KLF8: variants seen among roughly 807,000 people sequenced by gnomAD.
KLF8 encodes Krueppel-like factor 8.
A neutral mutation model predicts 18.2 loss-of-function variants in KLF8; 10 were observed. The observed-to-expected ratio is 0.55, with a 90% CI of 0.34 to 0.93. KLF8 has a LOEUF of 0.93. Ranked by LOEUF, KLF8 falls within the 40% of genes least tolerant of loss-of-function variation. KLF8 has a pLI of 0.02. For synonymous variants in KLF8, 109 were observed against 97.3 expected, an observed-to-expected ratio of 1.12 and a Z score of -0.71; for missense variants, 264 against 277.9, an observed-to-expected ratio of 0.95 and a Z score of 0.36.
the KLF8 span, among the ~76,000 whole-genome samples, chrX:56,114,033 A>G: frequency 8.9e-6 from 1 of 111,808 alleles, no homozygotes; most frequent in Non-Finnish European, 1.9e-5. Context: ...CAGGGGGATC[A>G]TAGTTCTGTC....
chrX:56,179,951 C>CT, the KLF8 span, among the ~76,000 whole-genome samples: 24 of 110,889 alleles, frequency 2.2e-4, no homozygotes, highest in South Asian at 1.1e-3. Context: ...CTAAAATTCT[C>CT]TTTTTTTTCT....
At chrX:56,073,177 C>T in the KLF8 span, among the ~76,000 whole-genome samples, 1 of 110,362 alleles carries the variant, frequency 9.1e-6, no homozygotes, top group African/African-American at 3.3e-5. Context: ...TTAGTAGAGT[C>T]AGGGTTTCAC....
At chrX:56,146,959 G>A in the KLF8 span, among the ~76,000 whole-genome samples, 3 of 112,223 alleles carry the variant, frequency 2.7e-5, no homozygotes, top group Non-Finnish European at 5.6e-5. Flanking sequence ...CAAAATCTCA[G>A]CGCCAGTAGC....
the KLF8 span, among the ~76,000 whole-genome samples, chrX:56,224,987 T>C: frequency 1.8e-5 from 2 of 110,957 alleles, no homozygotes; most frequent in South Asian, 3.9e-4. Flanking sequence ...ACTCGTTCCC[T>C]GAAGCCCTTT....
At chrX:56,203,004 T>A in the KLF8 span, among the ~76,000 whole-genome samples, 21 of 111,287 alleles carry the variant, frequency 1.9e-4, 1 homozygote, top group Non-Finnish European at 3.2e-4. Context: ...ACCTCCAAAC[T>A]GTTCTTCATA....
the KLF8 span, among the ~76,000 whole-genome samples, chrX:55,985,904 G>A: frequency 1.8e-5 from 2 of 110,751 alleles, no homozygotes; most frequent in Admixed American, 1.9e-4. Context: ...TTGTGAATGG[G>A]GGATTATTCA....
At chrX:56,094,487 AAAAT>A in the KLF8 span, among the ~76,000 whole-genome samples, 5 of 111,560 alleles carry the variant, frequency 4.5e-5, no homozygotes, top group East Asian at 2.8e-4. Context: ...AACTGCAAGA[AAAAT>A]AAATAAAGTA....
At chrX:55,919,960 C>T in the KLF8 span, among the ~76,000 whole-genome samples, 1 of 111,943 alleles carries the variant, frequency 8.9e-6, no homozygotes, top group Non-Finnish European at 1.9e-5. Flanking sequence ...CCAACCAACA[C>T]AAAACCAGCC....
At chrX:56,122,012 A>G in the KLF8 span, among the ~76,000 whole-genome samples, 1 of 111,657 alleles carries the variant, frequency 9.0e-6, no homozygotes, top group Non-Finnish European at 1.9e-5. Context: ...TTTTGTTATC[A>G]TTAAGGTTGT....
the KLF8 span, among the ~76,000 whole-genome samples, chrX:55,918,668 G>A: frequency 2.7e-5 from 3 of 111,577 alleles, no homozygotes; most frequent in Non-Finnish European, 5.7e-5. Context: ...GATATTCCTT[G>A]GCTTGTGGCA....
intron 5 of KLF8, among the ~76,000 whole-genome samples, chrX:56,283,588 T>G (rs189810483): frequency 4.6e-4 from 51 of 110,934 alleles, no homozygotes; most frequent in Non-Finnish European, 7.6e-5. Context: ...AGCCAGGATG[T>G]TCTCAATATA....
chrX:55,935,165 C>T, the KLF8 span, among the ~76,000 whole-genome samples: 1 of 112,165 alleles, frequency 8.9e-6, no homozygotes, highest in Non-Finnish European at 1.9e-5. Flanking sequence ...GTGTAGGGAA[C>T]TATGAACAAT....
In KLF8 at chrX:56,289,185, T is replaced by C. The variant is rs930998032; in HGVS notation, c.*4691T>C. 2.7e-5 allele frequency among the ~76,000 whole-genome samples: 3 copies of C among 112,197 alleles called. No homozygotes were observed. The highest frequency in any genetic ancestry group is 9.7e-5 in the African/African-American group (3 of 30,912). On this transcript the variant is annotated 3_prime_UTR_variant, in exon 6 of 6. Transcript: ENST00000468660. The stretch of plus-strand genomic sequence containing the variant: ...ATCTAATACTACTACTTTATTTTAT[T>C]GCTCGAATTGTTCCAGCTTTGGCCA...
intron 5 of KLF8, among the ~76,000 whole-genome samples, chrX:56,278,987 T>G (rs750502838): frequency 6.3e-5 from 7 of 111,475 alleles, no homozygotes; most frequent in Non-Finnish European, 1.3e-4. Flanking sequence ...ACTATCCCTG[T>G]CTGAAGCACA....
the KLF8 span, among the ~76,000 whole-genome samples, chrX:56,057,434 C>T: frequency 9.0e-6 from 1 of 111,416 alleles, no homozygotes; most frequent in South Asian, 3.8e-4. Context: ...AACATGCCCA[C>T]GTACACACTT....
At chrX:56,092,316 A>C in the KLF8 span, among the ~76,000 whole-genome samples, 1 of 111,391 alleles carries the variant, frequency 9.0e-6, no homozygotes, top group African/African-American at 3.3e-5. Flanking sequence ...GAAACTTTTT[A>C]ATTTAATTAA....
chrX:56,198,891 G>A, the KLF8 span, among the ~76,000 whole-genome samples: 1 of 111,589 alleles, frequency 9.0e-6, no homozygotes, highest in Admixed American at 9.5e-5. Flanking sequence ...CCAAAAGAGA[G>A]TTATAGACCA....
At chrX:55,923,705 C>CGTGTGTGTGTGTGT in the KLF8 span, among the ~76,000 whole-genome samples, 9 of 98,290 alleles carry the variant, frequency 9.2e-5, no homozygotes, top group African/African-American at 3.1e-4. Context: ...TAAAGATCCA[C>CGTGTGTGTGTGTGT]GTGTGTGTGT....
At chrX:55,942,199 G>A in the KLF8 span, among the ~76,000 whole-genome samples, 7 of 111,477 alleles carry the variant, frequency 6.3e-5, no homozygotes, top group African/African-American at 2.3e-4. Flanking sequence ...AAAGAATGAT[G>A]AGTTCATGTC....
Sources: gnomAD v4.1 joint callset for allele counts (sites outside exome capture counted in the v4.1 genomes callset) on GRCh38, gnomAD v4.1.1 for gene constraint, MANE v1.5 for transcripts, NCBI Gene and HGNC (gene_info 2026-07-23, HGNC 2026-07-21) for gene names.